Variants in BCL2 observed in about 807,000 individuals in gnomAD.
BCL2 encodes the protein BCL2 apoptosis regulator.
Under a neutral mutation model 14.2 loss-of-function variants are expected in BCL2, and 1 was observed. The ratio of observed to expected loss-of-function variants is 0.07; its 90% CI spans 0.02 to 0.33. BCL2 has a LOEUF of 0.33. Among genes scored for constraint, BCL2 ranks in the 10% least tolerant of loss-of-function variants. The pLI is 0.99. For synonymous variants in BCL2, 151 were observed against 137.2 expected (o/e 1.10, Z -0.70); for missense variants, 247 against 305.9 (o/e 0.81, Z 1.44).
chr18:63,268,321 T>A (rs866813620), intron 2 of BCL2, among the ~76,000 whole-genome samples: 2 of 152,294 alleles, frequency 1.3e-5, no homozygotes, highest in Middle Eastern at 3.4e-3. Flanking sequence ...TACCACATGG[T>A]TTTACTAAGA....
At chr18:63,263,876 A>G (rs1171320969) in intron 2 of BCL2, among the ~76,000 whole-genome samples, 1 of 152,146 alleles carries the variant, frequency 6.6e-6, no homozygotes, top group East Asian at 1.9e-4. Context: ...CCCAGGCTGG[A>G]GTGCAATAGT....
chr18:63,193,112 G>C (rs1232877017), intron 2 of BCL2, among the ~76,000 whole-genome samples: 1 of 152,188 alleles, frequency 6.6e-6, no homozygotes, highest in Non-Finnish European at 1.5e-5. Flanking sequence ...ACATGTTACT[G>C]TGGTCATCAA....
At chr18:63,146,947 A>C (rs1260741551) in intron 2 of BCL2, among the ~76,000 whole-genome samples, 6 of 152,240 alleles carry the variant, frequency 3.9e-5, no homozygotes, top group Admixed American at 3.9e-4. Flanking sequence ...CACTGCCATC[A>C]TGTCTACAAT....
chr18:63,180,222 T>C lies in BCL2; in HGVS notation c.586-51463A>G, dbSNP rs376322646. 1.2e-3 allele frequency among the ~76,000 whole-genome samples: 187 copies of C among 152,352 alleles called. 1 individual carries two copies. The South Asian group carries it at 0.036, about 30-fold the overall frequency. On this transcript the variant is annotated intron_variant, in intron 2 of 2. Transcript: ENST00000333681. ...GCTTATGGAAAATGTGTTTTAGCCA[T>C]AGGAACACTGATGTCCTATAGCCAA...
intron 2 of BCL2, among the ~76,000 whole-genome samples, chr18:63,250,936 GT>G (rs1911292735): frequency 6.6e-6 from 1 of 152,186 alleles, no homozygotes; most frequent in Non-Finnish European, 1.5e-5. Flanking sequence ...ATATTGGTGG[GT>G]GGGGACATTT....
At chr18:63,219,744 G>C (rs1468970267) in intron 2 of BCL2, among the ~76,000 whole-genome samples, 1 of 152,190 alleles carries the variant, frequency 6.6e-6, no homozygotes, top group Non-Finnish European at 1.5e-5. Flanking sequence ...GCAAGGGCAA[G>C]TGAGCTCAGG....
chr18:63,223,141 C>G (rs1182049513), intron 2 of BCL2, among the ~76,000 whole-genome samples: 1 of 152,192 alleles, frequency 6.6e-6, no homozygotes, highest in Non-Finnish European at 1.5e-5. Context: ...GTGGCTCACG[C>G]CTGTAATCCC....
At chr18:63,267,645 G>C (rs1911871334) in intron 2 of BCL2, among the ~76,000 whole-genome samples, 1 of 152,188 alleles carries the variant, frequency 6.6e-6, no homozygotes, top group South Asian at 2.1e-4. Flanking sequence ...CTAGCTACAT[G>C]TGTCTGAATT....
chr18:63,293,808 A>G (rs1431745234), intron 2 of BCL2, among the ~76,000 whole-genome samples: 1 of 152,210 alleles, frequency 6.6e-6, no homozygotes, highest in Non-Finnish European at 1.5e-5. Flanking sequence ...TCCAAAATAG[A>G]ACATGTTTTA....
intron 2 of BCL2, among the ~76,000 whole-genome samples, chr18:63,285,117 A>G (rs1180137609): frequency 6.6e-6 from 1 of 152,226 alleles, no homozygotes; most frequent in Non-Finnish European, 1.5e-5. Context: ...GCACCACCCA[A>G]GAGACAGAGA....
chr18:63,224,193 A>C (rs1910482671), intron 2 of BCL2, among the ~76,000 whole-genome samples: 1 of 152,232 alleles, frequency 6.6e-6, no homozygotes, highest in African/African-American at 2.4e-5. Flanking sequence ...CAGGTGAGAA[A>C]ATATGAAAAA....
chr18:63,199,342 C>A (rs1012298441), intron 2 of BCL2, among the ~76,000 whole-genome samples: 1 of 149,884 alleles, frequency 6.7e-6, no homozygotes, highest in African/African-American at 2.5e-5. Context: ...ACAAGACACA[C>A]AGGCACACAG....
chr18:63,228,490 C>A (rs1029261861), intron 2 of BCL2, among the ~76,000 whole-genome samples: 6 of 151,264 alleles, frequency 4.0e-5, no homozygotes, highest in African/African-American at 1.5e-4. Context: ...TACCACCTGA[C>A]AAATTATATA....
intron 2 of BCL2, among the ~76,000 whole-genome samples, chr18:63,186,850 C>T (rs112332804): frequency 0.02 from 2,977 of 152,270 alleles, 31 homozygotes; most frequent in South Asian, 0.054. Flanking sequence ...TAGTAGCATT[C>T]TTTAGTACTA....
chr18:63,302,020 G>A (rs559644329), intron 2 of BCL2, among the ~76,000 whole-genome samples: 1 of 152,192 alleles, frequency 6.6e-6, no homozygotes, highest in African/African-American at 2.4e-5. Flanking sequence ...TTTTAAAGTA[G>A]TCTGGTCTAT....
intron 2 of BCL2, among the ~76,000 whole-genome samples, chr18:63,279,938 T>C (rs1423146023): frequency 1.3e-5 from 2 of 152,212 alleles, no homozygotes; most frequent in African/African-American, 2.4e-5. Context: ...CTTAACATAA[T>C]TTCTACCTTT....
At chr18:63,287,623 A>C (rs1296299526) in intron 2 of BCL2, among the ~76,000 whole-genome samples, 1 of 152,204 alleles carries the variant, frequency 6.6e-6, no homozygotes, top group Non-Finnish European at 1.5e-5. Flanking sequence ...AAAGCTACAC[A>C]AAAATGATGA....
chr18:63,161,648 G>C (rs1261743373), intron 2 of BCL2, among the ~76,000 whole-genome samples: 1 of 152,202 alleles, frequency 6.6e-6, no homozygotes, highest in Non-Finnish European at 1.5e-5. Context: ...GGGACTGTAA[G>C]AGAAAGTCTA....
intron 2 of BCL2, among the ~76,000 whole-genome samples, chr18:63,267,234 G>A (rs988736171): frequency 3.3e-5 from 5 of 152,340 alleles, no homozygotes; most frequent in Middle Eastern, 3.4e-3. Context: ...TTCCGTGCTT[G>A]GGTAGGTTTT....
Sources: allele counts gnomAD v4.1 joint callset (sites outside exome capture counted in the v4.1 genomes callset), GRCh38; gene constraint gnomAD v4.1.1; transcripts MANE v1.5; gene names NCBI Gene and HGNC (gene_info 2026-07-23, HGNC 2026-07-21).